The following CUL3 variants were observed in gnomAD, a reference collection of about 807,000 sequenced individuals.
CUL3 encodes cullin-3.
A neutral mutation model predicts 89.1 loss-of-function variants in CUL3; 19 were observed. That is an observed-to-expected ratio of 0.21 (90% confidence interval 0.15 to 0.31). The LOEUF (loss-of-function observed/expected upper bound fraction) is 0.31. Among genes scored for constraint, CUL3 ranks in the 10% least tolerant of loss-of-function variants. CUL3 has a pLI of 1.00. For missense variants in CUL3, 469 were observed against 942.3 expected (o/e 0.50, Z 6.58); for synonymous variants, 351 against 308.4 (o/e 1.14, Z -1.45).
intron 1 of CUL3, among the ~76,000 whole-genome samples, chr2:224,568,359 G>T (rs1430271158): frequency 2.6e-5 from 4 of 152,200 alleles, no homozygotes; most frequent in Non-Finnish European, 5.9e-5. Context: ...ATCTGTTCAT[G>T]CATCTTCCTC....
intron 3 of CUL3, among the ~76,000 whole-genome samples, chr2:224,519,305 A>G (rs1320629879): frequency 6.6e-6 from 1 of 152,212 alleles, no homozygotes; most frequent in African/African-American, 2.4e-5. Context: ...ATCTCTCATT[A>G]TGTATATGCA....
At position 224,532,934 on chromosome 2, in the gene CUL3, C is replaced by G. The variant is rs546995959; in HGVS notation, c.378+2594G>C. ...GAAAAACATAAAAGGGGAGAAAATA[C>G]AAGTAAAGTTCTAGATTTAGCGGCA... On this transcript the variant is annotated intron_variant, in intron 3 of 15. Coordinates refer to ENST00000264414, the MANE Select transcript of CUL3 (RefSeq NM_003590.5). 3 of 152,274 alleles carry G rather than the reference C, an allele frequency of 2.0e-5. No homozygotes were observed. In the East Asian group the frequency reaches 5.8e-4, roughly 29 times the overall value. 9.4% of individuals were successfully genotyped at this position (152,274 alleles called of 1,614,324 possible).
chr2:224,556,606 T>C (rs1019220638), intron 2 of CUL3, among the ~76,000 whole-genome samples: 11 of 152,124 alleles, frequency 7.2e-5, no homozygotes, highest in African/African-American at 2.7e-4. Context: ...AACAAATTGC[T>C]ATAAAGGAAA....
intron 13 of CUL3, among the ~76,000 whole-genome samples, chr2:224,488,531 TC>T (rs1212275578): frequency 6.6e-6 from 1 of 152,150 alleles, no homozygotes; most frequent in African/African-American, 2.4e-5. Context: ...ATGCATAAAT[TC>T]CTGGACACAT....
chr2:224,564,359 C>T (rs1559231226), intron 1 of CUL3, among the ~76,000 whole-genome samples: 3 of 152,150 alleles, frequency 2.0e-5, no homozygotes, highest in East Asian at 3.9e-4. Context: ...GTTTTGCTGT[C>T]GCAACTCAAA....
chr2:224,503,055 C>T lies in CUL3; in HGVS notation c.1395G>A (p.Gln465=), dbSNP rs2106194834. Residue 465 remains glutamine (Q), a synonymous_variant, in exon 10 of 16, where the codon CAG becomes CAA. Transcript: ENST00000264414. The stretch of plus-strand genomic sequence containing the variant: ...ACATTCCTTCCAGTTTTGACGTGAA[C>T]TGACATCCACATTCAGTCTGTGGAG... ...ISKLKTECGC[Q]FTSKLEGMFR... The T allele has an allele frequency of 6.2e-7, 1 of 1,612,594 alleles. No homozygotes were observed. The highest frequency in any genetic ancestry group is 8.5e-7 in the Non-Finnish European group (1 of 1,178,712).
At chr2:224,483,943 A>T (rs1211200241) in intron 13 of CUL3, among the ~76,000 whole-genome samples, 1 of 152,180 alleles carries the variant, frequency 6.6e-6, no homozygotes, top group Non-Finnish European at 1.5e-5. Flanking sequence ...TAATCCCAGC[A>T]CTTTGGGAGA....
Position 224,473,345 on chromosome 2 carries a change from G to A in CUL3, c.*900C>T, listed in dbSNP as rs1691198880. The stretch of plus-strand genomic sequence containing the variant: ...GTATAGACTGTATGTGCTTTTCAGA[G>A]GGGCTGAATTAAATATAACCAGCTG... On this transcript the variant is annotated 3_prime_UTR_variant, in exon 16 of 16. Coordinates refer to ENST00000264414, the MANE Select transcript of CUL3 (RefSeq NM_003590.5). The A allele has an allele frequency of 5.1e-6, 1 of 194,308 alleles. No homozygotes were observed. The highest frequency in any genetic ancestry group is 1.9e-4 in the South Asian group (1 of 5,180). The allele number at this position is 194,308 out of a possible 1,614,324, so 12.0% of individuals were successfully genotyped here. A position where few individuals can be genotyped will look rare whatever the true frequency, so the allele number is the denominator to read the frequency against.
At chr2:224,578,962 A>G (rs1395473563) in intron 1 of CUL3, among the ~76,000 whole-genome samples, 1 of 152,190 alleles carries the variant, frequency 6.6e-6, no homozygotes, top group African/African-American at 2.4e-5. Context: ...GTACAAACAA[A>G]TGAAGCATTC....
At chr2:224,551,885 C>T (rs1273415861) in intron 2 of CUL3, among the ~76,000 whole-genome samples, 7 of 152,164 alleles carry the variant, frequency 4.6e-5, no homozygotes, top group African/African-American at 1.7e-4. Context: ...TTCTTCTAAT[C>T]CCAGTTTAAA....
At chr2:224,537,913 T>C (rs1693953789) in intron 2 of CUL3, among the ~76,000 whole-genome samples, 1 of 152,172 alleles carries the variant, frequency 6.6e-6, no homozygotes, top group Non-Finnish European at 1.5e-5. Flanking sequence ...AAATAAGGCA[T>C]GTTCTTTCAA....
At chr2:224,541,117 CTACT>C (rs1369882470) in intron 2 of CUL3, among the ~76,000 whole-genome samples, 1 of 151,462 alleles carries the variant, frequency 6.6e-6, no homozygotes, top group Non-Finnish European at 1.5e-5. Flanking sequence ...AAACTGGACT[CTACT>C]GAAATTAAAA....
In CUL3 at chr2:224,585,256, C is replaced by CG. The variant is rs543866738; in HGVS notation, c.-248dup. On this transcript the variant is annotated 5_prime_UTR_variant, in exon 1 of 16. Coordinates refer to ENST00000264414, the MANE Select transcript of CUL3 (RefSeq NM_003590.5). ...GGGCTGCGCTGGCGCGGCGGCTCCG[C>CG]GGGGTCCCCCTCACGTCCGGCTCGG... 0.021 allele frequency: 8,208 copies of CG among 396,792 alleles called. 118 individuals are homozygous for CG. Among genetic ancestry groups the CG allele is most frequent in the South Asian group, 0.05 (393 of 7,866 alleles). 24.6% of individuals were successfully genotyped at this position (396,792 alleles called of 1,614,324 possible). A position where few individuals can be genotyped will look rare whatever the true frequency, so the allele number is the denominator to read the frequency against.
chr2:224,566,605 T>TC (rs1438000783), intron 1 of CUL3, among the ~76,000 whole-genome samples: 1 of 152,212 alleles, frequency 6.6e-6, no homozygotes, highest in Non-Finnish European at 1.5e-5. Flanking sequence ...TGCTGCCTCT[T>TC]CAATGGCAGA....
chr2:224,532,273 CT>C (rs1057015097), intron 3 of CUL3, among the ~76,000 whole-genome samples: 1 of 151,970 alleles, frequency 6.6e-6, no homozygotes, highest in African/African-American at 2.4e-5. Context: ...ACAACTAGGA[CT>C]AAACCCCAAG....
chr2:224,475,814 T>A (rs969884490), intron 15 of CUL3, among the ~76,000 whole-genome samples: 18 of 152,166 alleles, frequency 1.2e-4, no homozygotes, highest in African/African-American at 4.1e-4. Context: ...TTTGGTCCTA[T>A]CCCATAAACA....
At chr2:224,570,384 T>G (rs951943404) in intron 1 of CUL3, among the ~76,000 whole-genome samples, 2 of 152,216 alleles carry the variant, frequency 1.3e-5, no homozygotes, top group Non-Finnish European at 2.9e-5. Flanking sequence ...CTCACTTTCC[T>G]CATTTGCTTG....
intron 13 of CUL3, among the ~76,000 whole-genome samples, chr2:224,486,946 T>TG (rs532627814): frequency 1.6e-3 from 238 of 150,902 alleles, no homozygotes; most frequent in African/African-American, 2.9e-3. Context: ...CAGAAGAGAG[T>TG]GGGGGGGGCC....
chr2:224,539,177 C>T (rs1694003126), intron 2 of CUL3, among the ~76,000 whole-genome samples: 1 of 152,116 alleles, frequency 6.6e-6, no homozygotes, highest in Non-Finnish European at 1.5e-5. Flanking sequence ...GACACCTAAC[C>T]AAAGAAGATA....
Sources: gnomAD v4.1 joint callset for allele counts (sites outside exome capture counted in the v4.1 genomes callset) on GRCh38, gnomAD v4.1.1 for gene constraint, MANE v1.5 for transcripts, NCBI Gene and HGNC (gene_info 2026-07-23, HGNC 2026-07-21) for gene names.